DNAJC3: variants seen among roughly 807,000 people sequenced by gnomAD.
DNAJC3 encodes the protein dnaJ homolog subfamily C member 3.
In DNAJC3, 38 loss-of-function variants were observed where a neutral mutation model predicts 68.6. That is an observed-to-expected ratio of 0.55 (90% CI 0.43 to 0.73). The LOEUF (loss-of-function observed/expected upper bound fraction) is 0.73, where lower values mean the gene tolerates loss of function less well. DNAJC3 is among the 30% of genes least tolerant of loss of function. The pLI is 0.00. For synonymous variants in DNAJC3, 203 were observed against 204.0 expected (o/e 1.00, Z 0.04); for missense variants, 526 against 591.9 (o/e 0.89, Z 1.16).
At chr13:95,709,476 C>T (rs540965210) in intron 2 of DNAJC3, 139 bp downstream of exon 2, 14 of 607,414 alleles carry the variant, frequency 2.3e-5, no homozygotes, top group South Asian at 4.8e-5. Flanking sequence ...GGATTCTGAG[C>T]GAAATAGATG....
At chr13:95,735,471 C>T (rs1881877872) in intron 4 of DNAJC3, among the ~76,000 whole-genome samples, 3 of 140,554 alleles carry the variant, frequency 2.1e-5, no homozygotes, top group African/African-American at 8.4e-5. Context: ...TCCACATCCT[C>T]TCCAGCACCT....
At chr13:95,763,532 G>A in intron 7 of DNAJC3, 111 bp from the exon 8 acceptor site, 4 of 956,578 alleles carry the variant, frequency 4.2e-6, no homozygotes, top group Non-Finnish European at 6.2e-6. Flanking sequence ...GAAGCCATGG[G>A]CTCATCCAAT....
intron 4 of DNAJC3, among the ~76,000 whole-genome samples, chr13:95,735,066 C>A (rs1262660726): frequency 6.6e-6 from 1 of 150,742 alleles, no homozygotes; most frequent in Non-Finnish European, 1.5e-5. Flanking sequence ...TGAGAACATG[C>A]AGTGTTTTGT....
chr13:95,790,070 T>C lies in DNAJC3; in HGVS notation c.1358-803T>C, dbSNP rs17881291. Among the ~76,000 whole-genome samples, 178 of 151,978 alleles carry C rather than the reference T, an allele frequency of 1.2e-3. 1 individual carries two copies. The highest frequency in any genetic ancestry group is 4.1e-3 in the African/African-American group (170 of 41,248). Reference sequence around the variant, plus strand: ...TTCTGTAGGTTGTCTGTTTACTCTGTTGATAGTTTCTTTTGCTGTGTAGAA... The same window carrying C: ...TTCTGTAGGTTGTCTGTTTACTCTGCTGATAGTTTCTTTTGCTGTGTAGAA... On this transcript the variant is annotated intron_variant, in intron 11 of 11. Coordinates refer to ENST00000602402, the MANE Select transcript of DNAJC3 (RefSeq NM_006260.5).
chr13:95,780,557 C>T (rs1883420924), intron 9 of DNAJC3, among the ~76,000 whole-genome samples: 1 of 152,170 alleles, frequency 6.6e-6, no homozygotes, highest in African/African-American at 2.4e-5. Flanking sequence ...GATATTAGCA[C>T]CTGTCAGCAG....
chr13:95,788,331 CTTCTTATGTGAGAGGGACT>C (rs575089882), intron 11 of DNAJC3, among the ~76,000 whole-genome samples: 29 of 152,310 alleles, frequency 1.9e-4, no homozygotes, highest in African/African-American at 6.5e-4. Flanking sequence ...GAGTCAGGAT[CTTCTTATGTGAGAGGGACT>C]TTGTGCTACG....
At chr13:95,727,045 G>A (rs1457105114) in intron 4 of DNAJC3, among the ~76,000 whole-genome samples, 1 of 152,138 alleles carries the variant, frequency 6.6e-6, no homozygotes, top group Admixed American at 6.5e-5. Context: ...ACTGGGTGGT[G>A]GGGAGGTGAT....
chr13:95,766,440 A>AT (rs1347244210), intron 9 of DNAJC3, among the ~76,000 whole-genome samples: 1 of 152,188 alleles, frequency 6.6e-6, no homozygotes, highest in African/African-American at 2.4e-5. Flanking sequence ...CAGTACTAAA[A>AT]TATTGGCAAA....
chr13:95,693,323 AC>A (rs1880332387), intron 1 of DNAJC3: 1 of 152,056 alleles, frequency 6.6e-6, no homozygotes, highest in Non-Finnish European at 1.5e-5. Flanking sequence ...TATTATTGAA[AC>A]CACAAACGTG....
chr13:95,738,255 T>G (rs1045400568), intron 4 of DNAJC3, among the ~76,000 whole-genome samples: 1 of 150,678 alleles, frequency 6.6e-6, no homozygotes, highest in African/African-American at 2.5e-5. Flanking sequence ...ATGTGGTCAA[T>G]TTTGGAATAG....
At chr13:95,762,959 C>A (rs992419683) in intron 7 of DNAJC3, among the ~76,000 whole-genome samples, 1 of 152,172 alleles carries the variant, frequency 6.6e-6, no homozygotes, top group African/African-American at 2.4e-5. Flanking sequence ...TGTTTTAATA[C>A]ATTGGCATAT....
Position 95,785,988 on chromosome 13 carries a change from G to A in DNAJC3, c.1125G>A (p.Gln375=), listed in dbSNP as rs775358801. Residue 375 remains glutamine, a synonymous_variant, in exon 10 of 12, where the codon CAG becomes CAA. Coordinates refer to ENST00000602402, the MANE Select transcript of DNAJC3 (RefSeq NM_006260.5). ...TAQEHNENDQ[Q]IREGLEKAQR... ...AGGAACACAATGAAAATGATCAGCA[G>A]ATTCGAGAAGGTCTAGAGAAAGCAC... 1.9e-6 allele frequency: 3 copies of A among 1,611,590 alleles called. No homozygotes were observed. In the African/African-American group the frequency reaches 4.0e-5, roughly 21 times the overall value.
intron 1 of DNAJC3, among the ~76,000 whole-genome samples, chr13:95,706,065 G>C (rs907551555): frequency 6.6e-6 from 1 of 152,168 alleles, no homozygotes; most frequent in Non-Finnish European, 1.5e-5. Context: ...TAAACTTCAA[G>C]TTTCAGTCAG....
chr13:95,771,830 A>G (rs971815741), intron 9 of DNAJC3, among the ~76,000 whole-genome samples: 1 of 133,956 alleles, frequency 7.5e-6, no homozygotes, highest in Non-Finnish European at 1.5e-5. Context: ...GATTTTCTCC[A>G]TCATGGATTA....
intron 1 of DNAJC3, among the ~76,000 whole-genome samples, chr13:95,684,256 A>C (rs552508241): frequency 7.9e-5 from 12 of 152,304 alleles, no homozygotes; most frequent in Non-Finnish European, 1.6e-4. Flanking sequence ...ACTTATTGGG[A>C]ACTGGAGTAA....
At chr13:95,726,034 A>G (rs867886190) in intron 4 of DNAJC3, among the ~76,000 whole-genome samples, 1 of 151,850 alleles carries the variant, frequency 6.6e-6, no homozygotes. Context: ...ATAGTATTCC[A>G]TGGTGTATAT....
intron 2 of DNAJC3, among the ~76,000 whole-genome samples, chr13:95,710,615 C>G (rs1416231321): frequency 6.6e-6 from 1 of 152,072 alleles, no homozygotes; most frequent in Non-Finnish European, 1.5e-5. Context: ...ATATTTTTAC[C>G]TTGATTTGAA....
chr13:95,714,438 A>T (rs189417548), intron 2 of DNAJC3, among the ~76,000 whole-genome samples: 1 of 150,092 alleles, frequency 6.7e-6, no homozygotes, highest in East Asian at 2.0e-4. Flanking sequence ...AAGGTGCAGT[A>T]GGATATGTAA....
chr13:95,731,787 T>C (rs1233443233), intron 4 of DNAJC3, among the ~76,000 whole-genome samples: 1 of 152,066 alleles, frequency 6.6e-6, no homozygotes. Context: ...TCCTCTGGCC[T>C]GCAGTGGTGC....
Sources: gnomAD v4.1 joint callset for allele counts (sites outside exome capture counted in the v4.1 genomes callset) on GRCh38, gnomAD v4.1.1 for gene constraint, MANE v1.5 for transcripts, NCBI Gene and HGNC (gene_info 2026-07-23, HGNC 2026-07-21) for gene names.